Variants in PLEKHG1 observed in about 807,000 individuals in gnomAD.
The protein encoded by PLEKHG1 is pleckstrin homology and RhoGEF domain containing G1.
In PLEKHG1, 44 loss-of-function variants were observed where a neutral mutation model predicts 100.8. The ratio of observed to expected loss-of-function variants is 0.44; its 90% CI spans 0.34 to 0.56. The LOEUF is 0.56. Ranked by LOEUF, PLEKHG1 falls within the 20% of genes least tolerant of loss-of-function variation. The pLI is 0.01. For missense variants in PLEKHG1, 1,545 were observed against 1,720.9 expected (o/e 0.90, Z 1.81); for synonymous variants, 640 against 662.5 (o/e 0.97, Z 0.52).
At chr6:150,798,219 T>C (rs1166744304) in intron 5 of PLEKHG1, among the ~76,000 whole-genome samples, 1 of 152,032 alleles carries the variant, frequency 6.6e-6, no homozygotes, top group Admixed American at 6.6e-5. Context: ...CCTCATCTTC[T>C]CCACAAAACT....
intron 3 of PLEKHG1, among the ~76,000 whole-genome samples, chr6:150,672,859 TA>T (rs1238946143): frequency 6.6e-6 from 1 of 152,246 alleles, no homozygotes; most frequent in East Asian, 1.9e-4. Flanking sequence ...CATGAGTGTC[TA>T]CTTTTGAGCA....
intron 5 of PLEKHG1, among the ~76,000 whole-genome samples, chr6:150,799,653 G>T (rs1293001376): frequency 3.3e-5 from 5 of 152,280 alleles, no homozygotes; most frequent in Middle Eastern, 3.4e-3. Flanking sequence ...TTGAAATCTT[G>T]ACTCAAGGGG....
At chr6:150,737,583 C>T (rs1232047791) in intron 2 of PLEKHG1, among the ~76,000 whole-genome samples, 7 of 152,190 alleles carry the variant, frequency 4.6e-5, no homozygotes, top group South Asian at 4.1e-4. Context: ...TGAGCCACCG[C>T]GCCCGGCCTG....
chr6:150,675,661 A>T (rs944842683), intron 3 of PLEKHG1, among the ~76,000 whole-genome samples: 1 of 152,100 alleles, frequency 6.6e-6, no homozygotes, highest in Non-Finnish European at 1.5e-5. Context: ...TAATTTCTGT[A>T]TTTTTGGTAG....
chr6:150,747,980 C>T (rs1463937902), intron 2 of PLEKHG1, among the ~76,000 whole-genome samples: 1 of 152,132 alleles, frequency 6.6e-6, no homozygotes, highest in Non-Finnish European at 1.5e-5. Flanking sequence ...CCATCACCAC[C>T]ATGCATCTCC....
chr6:150,830,934 G>C (rs572482738), exon 15 of PLEKHG1: 18 of 1,614,064 alleles, frequency 1.1e-5, no homozygotes, highest in Non-Finnish European at 1.5e-5. Context: ...ATTGTCAGGC[G>C]GGCCAGCAGT....
upstream of PLEKHG1, among the ~76,000 whole-genome samples, chr6:150,717,681 G>A (rs964579752): frequency 6.6e-6 from 1 of 152,212 alleles, no homozygotes; most frequent in African/African-American, 2.4e-5. Context: ...TGTGTAACCC[G>A]TGCTTGCAGG....
At chr6:150,613,525 A>G (rs1217804563) in intron 1 of PLEKHG1, among the ~76,000 whole-genome samples, 2 of 152,178 alleles carry the variant, frequency 1.3e-5, no homozygotes, top group Non-Finnish European at 2.9e-5. Context: ...TGATTGTCTG[A>G]TTCTGTGATA....
chr6:150,813,076 C>T (rs1156652883), intron 10 of PLEKHG1, among the ~76,000 whole-genome samples: 6 of 151,908 alleles, frequency 3.9e-5, no homozygotes, highest in Non-Finnish European at 7.4e-5. Flanking sequence ...GAGGCGGAGG[C>T]GGGCAGATCA....
At chr6:150,775,340 A>G (rs1039302029) in intron 3 of PLEKHG1, among the ~76,000 whole-genome samples, 2 of 152,232 alleles carry the variant, frequency 1.3e-5, no homozygotes, top group Non-Finnish European at 2.9e-5. Flanking sequence ...GGAAATAAAG[A>G]TCATTCCTCC....
chr6:150,791,642 CCTGGGTGG>C (rs1297751316), intron 4 of PLEKHG1, among the ~76,000 whole-genome samples: 6 of 150,502 alleles, frequency 4.0e-5, no homozygotes, highest in Non-Finnish European at 8.8e-5. Flanking sequence ...TGTATTCCAG[CCTGGGTGG>C]CAGAGCAAGA....
chr6:150,734,369 T>G (rs1782454744), intron 2 of PLEKHG1, among the ~76,000 whole-genome samples: 2 of 152,198 alleles, frequency 1.3e-5, no homozygotes, highest in South Asian at 4.1e-4. Flanking sequence ...ACCCCAGATG[T>G]CAGAGTGACT....
At chr6:150,705,753 C>T (rs757659244) in intron 3 of PLEKHG1, among the ~76,000 whole-genome samples, 2 of 152,188 alleles carry the variant, frequency 1.3e-5, no homozygotes, top group African/African-American at 4.8e-5. Context: ...GAAGATATCA[C>T]GTATCAGAGG....
chr6:150,660,018 G>C (rs1221597145), intron 3 of PLEKHG1, among the ~76,000 whole-genome samples: 1 of 151,792 alleles, frequency 6.6e-6, no homozygotes, highest in Admixed American at 6.6e-5. Context: ...AGATACAGAG[G>C]GTTCCCAGGA....
At chr6:150,786,606 T>C in intron 4 of PLEKHG1, 147 bp downstream of exon 5, 1 of 608,470 alleles carries the variant, frequency 1.6e-6, no homozygotes, top group Non-Finnish European at 2.9e-6. Context: ...GTAGCAAAAA[T>C]GTATTGTTCC....
intron 2 of PLEKHG1, among the ~76,000 whole-genome samples, chr6:150,756,140 A>G (rs1783828035): frequency 6.6e-6 from 1 of 152,040 alleles, no homozygotes; most frequent in African/African-American, 2.4e-5. Flanking sequence ...GGCCTCCTGG[A>G]CAGTATGACA....
chr6:150,813,048 G>A (rs928119799), intron 10 of PLEKHG1, among the ~76,000 whole-genome samples: 5 of 152,142 alleles, frequency 3.3e-5, no homozygotes, highest in Admixed American at 3.3e-4. Flanking sequence ...GCTCACACCT[G>A]TAATCCCAGC....
intron 2 of PLEKHG1, among the ~76,000 whole-genome samples, chr6:150,646,282 G>A (rs1302190044): frequency 6.6e-6 from 1 of 151,708 alleles, no homozygotes; most frequent in Non-Finnish European, 1.5e-5. Context: ...GAAAAGTTCT[G>A]TTTTATTCTT....
chr6:150,612,800 C>A (rs1250917134), intron 1 of PLEKHG1, among the ~76,000 whole-genome samples: 1 of 152,188 alleles, frequency 6.6e-6, no homozygotes, highest in Non-Finnish European at 1.5e-5. Flanking sequence ...CCTCCAGCAT[C>A]CAGATTTATA....
Sources: gnomAD v4.1 joint callset for allele counts (sites outside exome capture counted in the v4.1 genomes callset) on GRCh38, gnomAD v4.1.1 for gene constraint, MANE v1.5 for transcripts, NCBI Gene and HGNC (gene_info 2026-07-23, HGNC 2026-07-21) for gene names.